The following DLC1 variants were observed in gnomAD, a reference collection of about 807,000 sequenced individuals.
DLC1 encodes rho GTPase-activating protein 7.
Under a neutral mutation model 140.3 loss-of-function variants are expected in DLC1, and 54 were observed. That is an observed-to-expected ratio of 0.38 (90% CI 0.31 to 0.48). DLC1 has a LOEUF of 0.48. Among genes scored for constraint, DLC1 ranks in the 20% least tolerant of loss-of-function variants. DLC1 has a pLI of 0.96. For missense variants in DLC1, 2,536 were observed against 1,907.0 expected, an observed-to-expected ratio of 1.33 and a Z score of -6.14; for synonymous variants, 986 against 728.1, an observed-to-expected ratio of 1.35 and a Z score of -5.70.
intron 2 of DLC1, among the ~76,000 whole-genome samples, chr8:13,432,677 G>A (rs778977193): frequency 6.6e-6 from 1 of 152,160 alleles, no homozygotes; most frequent in Non-Finnish European, 1.5e-5. Flanking sequence ...AAAAGCAGGT[G>A]AGAAAAAGAC....
chr8:13,534,770 A>G lies in DLC1; in HGVS notation c.-125-34574T>C, dbSNP rs575162351. ...AATCCACAGGACTGACACCAGCAATATTTTGTTGTTAGGCTTCTATAAAGA... is the reference window on the plus strand; with the variant it reads ...AATCCACAGGACTGACACCAGCAATGTTTTGTTGTTAGGCTTCTATAAAGA... On this transcript the variant is annotated intron_variant, in intron 1 of 1. Coordinates refer to the DLC1 transcript ENST00000631382. Among the ~76,000 whole-genome samples the G allele has an allele frequency of 2.0e-5, 3 of 152,216 alleles. No individual in the cohort carries two copies. In the East Asian group the frequency reaches 5.8e-4, roughly 29 times the overall value.
Position 13,099,943 on chromosome 8 carries a change from G to T in DLC1, c.2394C>A (p.Arg798=), listed in dbSNP as rs756174009. 6.2e-7 allele frequency: 1 copy of T among 1,613,398 alleles called. No homozygotes were observed. The highest frequency in any genetic ancestry group is 1.7e-5 in the Admixed American group (1 of 60,032). ...ACACCGTGTCCTCTGGGTAGCTCTC[G>T]CGGTTCTTAAAGTTCTGCTCCACCA... is the stretch of plus-strand genomic sequence containing the variant. ...NNVVEQNFKN[R]ESYPEDTVFY... Residue 798 remains arginine (R), a synonymous_variant, in exon 9 of 18, where the codon CGC becomes CGA. Coordinates refer to ENST00000276297, the MANE Select transcript of DLC1 (RefSeq NM_182643.3).
intron 4 of DLC1, among the ~76,000 whole-genome samples, chr8:13,327,216 G>A (rs1352106955): frequency 2.9e-5 from 4 of 136,370 alleles, no homozygotes; most frequent in Non-Finnish European, 4.6e-5. Context: ...CTCATGATCC[G>A]CCCGCCTTGG....
intron 4 of DLC1, among the ~76,000 whole-genome samples, chr8:13,333,301 C>T (rs989374205): frequency 6.6e-6 from 1 of 152,224 alleles, no homozygotes; most frequent in Admixed American, 6.5e-5. Flanking sequence ...TCATAGCTCA[C>T]TGCAGCTTGG....
At chr8:13,304,047 A>G (rs953585412) in intron 5 of DLC1, among the ~76,000 whole-genome samples, 2 of 152,164 alleles carry the variant, frequency 1.3e-5, no homozygotes, top group Non-Finnish European at 2.9e-5. Flanking sequence ...ATAGGATGAC[A>G]ACTTTGTTCT....
In DLC1 at chr8:13,100,575, G is replaced by T. The variant is rs751464406; in HGVS notation, c.1762C>A (p.Arg588Ser). The T allele has an allele frequency of 3.7e-6, 6 of 1,613,400 alleles. No individual in the cohort carries two copies. Among genetic ancestry groups the T allele is most frequent in the Middle Eastern group, 1.6e-4 (1 of 6,072 alleles). ...PGGTLMDLSE[R>S]QEVSSVRSLS... ...CTGCGGACGGAAGACACCTCCTGGCGCTCGCTGAGGTCCATCAGCGTGCCT... is the reference window on the plus strand; with the variant it reads ...CTGCGGACGGAAGACACCTCCTGGCTCTCGCTGAGGTCCATCAGCGTGCCT... Residue 588 changes from arginine (R) to serine (S), a missense_variant, in exon 9 of 18, where the codon CGC (arginine) becomes AGC (serine). Physicochemically the swap from Arg to Ser is moderately radical, Grantham distance 110. Transcript: ENST00000276297.
chr8:13,467,522 G>A (rs1799996038), intron 2 of DLC1, among the ~76,000 whole-genome samples: 1 of 151,892 alleles, frequency 6.6e-6, no homozygotes, highest in African/African-American at 2.4e-5. Context: ...AGCACTTTGG[G>A]AGGCCAAAGT....
At chr8:13,154,932 A>C (rs1348896640) in intron 5 of DLC1, among the ~76,000 whole-genome samples, 1 of 152,210 alleles carries the variant, frequency 6.6e-6, no homozygotes, top group Non-Finnish European at 1.5e-5. Context: ...TAAAAAACTT[A>C]TGTTTTTAAA....
chr8:13,454,735 G>A (rs372684499), intron 2 of DLC1, among the ~76,000 whole-genome samples: 1 of 152,138 alleles, frequency 6.6e-6, no homozygotes, highest in South Asian at 2.1e-4. Flanking sequence ...TTTAATTTTT[G>A]TAGAGACAGC....
chr8:13,427,985 T>A (rs1299481542), intron 2 of DLC1, among the ~76,000 whole-genome samples: 2 of 152,082 alleles, frequency 1.3e-5, no homozygotes, highest in Admixed American at 6.6e-5. Flanking sequence ...GGTGTTCCAG[T>A]TTGCTTGCAG....
At chr8:13,493,581 C>T (rs1237748522) in intron 2 of DLC1, among the ~76,000 whole-genome samples, 2 of 152,172 alleles carry the variant, frequency 1.3e-5, no homozygotes, top group Admixed American at 6.5e-5. Flanking sequence ...CAATATCCTT[C>T]TTCTAGCTAT....
At chr8:13,201,190 G>T (rs917248333) in intron 5 of DLC1, among the ~76,000 whole-genome samples, 12 of 151,546 alleles carry the variant, frequency 7.9e-5, no homozygotes, top group Non-Finnish European at 1.6e-4. Flanking sequence ...CTGGATCCAA[G>T]GTTTTGGGAA....
At chr8:13,479,867 GAA>G in intron 2 of DLC1, among the ~76,000 whole-genome samples, 1 of 14,028 alleles carries the variant, frequency 7.1e-5, no homozygotes, top group Admixed American at 4.1e-4. Context: ...AAGAGAAAAA[GAA>G]AGAAAGAAAG....
At chr8:13,423,806 C>T (rs994301544) in intron 2 of DLC1, among the ~76,000 whole-genome samples, 4 of 152,016 alleles carry the variant, frequency 2.6e-5, no homozygotes, top group South Asian at 4.2e-4. Flanking sequence ...ATTCAAAATC[C>T]GTGTTCTTCT....
At chr8:13,095,766 C>G (rs1201243675) in intron 10 of DLC1, 2 of 155,536 alleles carry the variant, frequency 1.3e-5, no homozygotes, top group Non-Finnish European at 2.9e-5. Flanking sequence ...CTTCTGAGTT[C>G]TTGATGAGAT....
intron 1 of DLC1, among the ~76,000 whole-genome samples, chr8:13,571,629 C>T (rs11775957): frequency 0.96 from 146,668 of 152,312 alleles, 70,881 homozygotes; most frequent in East Asian, 1. Context: ...TTGCATTGCT[C>T]CCACTTTTTG....
intron 5 of DLC1, among the ~76,000 whole-genome samples, chr8:13,194,028 A>C (rs1264049378): frequency 6.6e-6 from 1 of 152,198 alleles, no homozygotes; most frequent in Non-Finnish European, 1.5e-5. Context: ...AATTTATTAG[A>C]GAGTCAATGA....
chr8:13,577,258 A>G (rs1411882591), intron 1 of DLC1, among the ~76,000 whole-genome samples: 1 of 152,204 alleles, frequency 6.6e-6, no homozygotes, highest in Non-Finnish European at 1.5e-5. Context: ...TTAGCTGGAC[A>G]GTAGGGAGGG....
intron 1 of DLC1, among the ~76,000 whole-genome samples, chr8:13,531,244 C>T (rs771741762): frequency 6.6e-6 from 1 of 152,146 alleles, no homozygotes; most frequent in Non-Finnish European, 1.5e-5. Flanking sequence ...CTATAGCAGC[C>T]TGAACAGGCT....
Sources: gnomAD v4.1 joint callset for allele counts (sites outside exome capture counted in the v4.1 genomes callset) on GRCh38, gnomAD v4.1.1 for gene constraint, MANE v1.5 for transcripts, NCBI Gene and HGNC (gene_info 2026-07-23, HGNC 2026-07-21) for gene names.